Variants in WWP1 observed in about 807,000 individuals in gnomAD.
WWP1 encodes NEDD4-like E3 ubiquitin-protein ligase WWP1.
Under a neutral mutation model 130.6 loss-of-function variants are expected in WWP1, and 49 were observed. That is an observed-to-expected ratio of 0.38 (90% CI 0.30 to 0.48). The LOEUF (loss-of-function observed/expected upper bound fraction) is 0.48. Among genes scored for constraint, WWP1 ranks in the 20% least tolerant of loss-of-function variants. WWP1 has a pLI of 0.99. For missense variants in WWP1, 809 were observed against 1,100.6 expected, an observed-to-expected ratio of 0.74 and a Z score of 3.75; for synonymous variants, 332 against 367.8, an observed-to-expected ratio of 0.90 and a Z score of 1.11.
chr8:86,406,297 G>A (rs188738791), intron 8 of WWP1, among the ~76,000 whole-genome samples: 2 of 152,198 alleles, frequency 1.3e-5, no homozygotes, highest in Non-Finnish European at 2.9e-5. Context: ...TTGGAGAGTG[G>A]TATTTAAGAA....
Position 86,361,394 on chromosome 8 carries a change from C to A in WWP1, c.-114-7545C>A, listed in dbSNP as rs980220932. On this transcript the variant is annotated intron_variant, in intron 1 of 24. Transcript: ENST00000517970. ...TCTTCTCTTTCCCCTAATTTCAGGCCATTTTCTGCCTAGACTACTTTCAGG... is the reference window on the plus strand; with the variant it reads ...TCTTCTCTTTCCCCTAATTTCAGGCAATTTTCTGCCTAGACTACTTTCAGG... Among the ~76,000 whole-genome samples, 3 of 152,252 alleles carry A rather than the reference C, an allele frequency of 2.0e-5. No individual in the cohort carries two copies. In the East Asian group the frequency reaches 5.8e-4, roughly 29 times the overall value.
intron 20 of WWP1, among the ~76,000 whole-genome samples, chr8:86,452,084 C>T (rs1383430636): frequency 6.6e-6 from 1 of 152,120 alleles, no homozygotes; most frequent in Non-Finnish European, 1.5e-5. Context: ...CATACTGAGA[C>T]AATCCCTTGC....
At chr8:86,346,028 C>A (rs1353742014) in intron 1 of WWP1, among the ~76,000 whole-genome samples, 1 of 152,132 alleles carries the variant, frequency 6.6e-6, no homozygotes, top group African/African-American at 2.4e-5. Flanking sequence ...ATAGTTACTG[C>A]CTTTAAATGA....
chr8:86,400,400 G>A (rs963006684), intron 7 of WWP1, among the ~76,000 whole-genome samples: 1 of 152,092 alleles, frequency 6.6e-6, no homozygotes, highest in Non-Finnish European at 1.5e-5. Flanking sequence ...ATTAGACATA[G>A]CGATAAGCAC....
chr8:86,447,579 T>C (rs1299767345), intron 18 of WWP1, among the ~76,000 whole-genome samples: 3 of 152,280 alleles, frequency 2.0e-5, no homozygotes, highest in African/African-American at 7.2e-5. Context: ...AAGGTAGTTA[T>C]TTTAATGATT....
At chr8:86,457,376 A>C (rs758605834) in intron 21 of WWP1, among the ~76,000 whole-genome samples, 1 of 151,810 alleles carries the variant, frequency 6.6e-6, no homozygotes, top group Non-Finnish European at 1.5e-5. Context: ...GTTTGGAACT[A>C]ATGAATTTGG....
chr8:86,466,760 G>A, intron 24 of WWP1, 34 bp from the exon 25 acceptor site: 1 of 1,395,758 alleles, frequency 7.2e-7, no homozygotes, highest in Non-Finnish European at 9.8e-7. Flanking sequence ...TCATTTTATT[G>A]AAAACATCTG....
intron 14 of WWP1, among the ~76,000 whole-genome samples, chr8:86,433,422 C>A (rs2130688241): frequency 6.6e-6 from 1 of 151,934 alleles, no homozygotes; most frequent in East Asian, 1.9e-4. Flanking sequence ...TCCTGTAAAA[C>A]CTGCTCTCTG....
intron 1 of WWP1, among the ~76,000 whole-genome samples, chr8:86,345,131 G>A (rs1822496946): frequency 6.6e-6 from 1 of 152,076 alleles, no homozygotes; most frequent in Non-Finnish European, 1.5e-5. Context: ...AAAGGAAGTC[G>A]AATAGCCAAA....
intron 8 of WWP1, among the ~76,000 whole-genome samples, chr8:86,406,340 C>G (rs1457988354): frequency 6.6e-6 from 1 of 152,114 alleles, no homozygotes; most frequent in Non-Finnish European, 1.5e-5. Context: ...TTCCTCTGGT[C>G]ATAACTTCTA....
intron 5 of WWP1, among the ~76,000 whole-genome samples, chr8:86,385,216 G>A (rs1825209632): frequency 6.6e-6 from 1 of 152,168 alleles, no homozygotes; most frequent in South Asian, 2.1e-4. Flanking sequence ...GAAAATGTTT[G>A]ATAGTCAGCA....
In WWP1 at chr8:86,419,350, G is replaced by A. The variant is rs528899781; in HGVS notation, c.1062-5873G>A. Among the ~76,000 whole-genome samples the A allele has an allele frequency of 6.6e-5, 10 of 152,276 alleles. No homozygotes were observed. In the South Asian group the frequency reaches 1.7e-3, roughly 25 times the overall value. On this transcript the variant is annotated intron_variant, in intron 9 of 24. Transcript: ENST00000517970. Reference sequence around the variant, plus strand: ...GAAGAATCGCTTGAACCTGGGAGACGGAGGTTGCAGTGAGCTGAGATCACA... The same window carrying A: ...GAAGAATCGCTTGAACCTGGGAGACAGAGGTTGCAGTGAGCTGAGATCACA...
chr8:86,449,295 G>A (rs980578409), intron 20 of WWP1, among the ~76,000 whole-genome samples: 2 of 151,988 alleles, frequency 1.3e-5, no homozygotes, highest in African/African-American at 2.4e-5. Flanking sequence ...ATTTCCATTT[G>A]CCAGCCAGGT....
intron 8 of WWP1, among the ~76,000 whole-genome samples, chr8:86,404,217 A>G (rs1303600386): frequency 6.6e-6 from 1 of 152,244 alleles, no homozygotes; most frequent in Non-Finnish European, 1.5e-5. Context: ...CAAATATCTA[A>G]AATCTGAAAC....
chr8:86,434,355 T>C lies in WWP1; in HGVS notation c.1602-1097T>C, dbSNP rs140576284. Among the ~76,000 whole-genome samples, 1,011 of 152,324 alleles carry C rather than the reference T, an allele frequency of 6.6e-3. 9 individuals carry two copies. The highest frequency in any genetic ancestry group is 0.012 in the Non-Finnish European group (784 of 68,018). On this transcript the variant is annotated intron_variant, in intron 14 of 24. Coordinates refer to ENST00000517970, the MANE Select transcript of WWP1 (RefSeq NM_007013.4). ...CCTCATTCACCGTGTTCTAGCTTCA[T>C]TGGACGCTAGCTGTGCCTTCAACAC...
At chr8:86,411,237 A>G (rs1433547560) in intron 8 of WWP1, among the ~76,000 whole-genome samples, 1 of 152,166 alleles carries the variant, frequency 6.6e-6, no homozygotes, top group African/African-American at 2.4e-5. Flanking sequence ...AGAATTGATG[A>G]TTTGGAGGGA....
intron 5 of WWP1, chr8:86,386,759 C>G (rs1246905172): frequency 6.6e-6 from 1 of 152,244 alleles, no homozygotes; most frequent in East Asian, 1.9e-4. Flanking sequence ...TAGATACTGT[C>G]TTACTGCATT....
intron 9 of WWP1, among the ~76,000 whole-genome samples, chr8:86,420,325 A>G (rs1010531611): frequency 1.3e-5 from 2 of 152,238 alleles, no homozygotes; most frequent in African/African-American, 2.4e-5. Flanking sequence ...GGGTTTAACG[A>G]TAAGAATGTA....
intron 9 of WWP1, among the ~76,000 whole-genome samples, chr8:86,415,016 A>G (rs2130587990): frequency 6.6e-6 from 1 of 151,762 alleles, no homozygotes; most frequent in South Asian, 2.1e-4. Flanking sequence ...TTTGTAGGGC[A>G]TCCAGTTGAT....
Sources: gnomAD v4.1 joint callset for allele counts (sites outside exome capture counted in the v4.1 genomes callset) on GRCh38, gnomAD v4.1.1 for gene constraint, MANE v1.5 for transcripts, NCBI Gene and HGNC (gene_info 2026-07-23, HGNC 2026-07-21) for gene names.